The following ZNF804B variants were observed in gnomAD, a reference collection of about 807,000 sequenced individuals.
The protein encoded by ZNF804B is zinc finger 804B.
In ZNF804B, 80 loss-of-function variants were observed where a neutral mutation model predicts 101.4. The ratio of observed to expected loss-of-function variants is 0.79; its 90% CI spans 0.66 to 0.95. The LOEUF is 0.95. Ranked by LOEUF, ZNF804B falls within the 40% of genes least tolerant of loss-of-function variation. The pLI is 0.00. For missense variants in ZNF804B, 1,673 were observed against 1,561.9 expected (o/e 1.07, Z -1.20); for synonymous variants, 622 against 558.8 (o/e 1.11, Z -1.59).
chr7:88,836,596 A>G (rs1404605614), intron 1 of ZNF804B, among the ~76,000 whole-genome samples: 2 of 151,992 alleles, frequency 1.3e-5, no homozygotes, highest in Non-Finnish European at 2.9e-5. Context: ...GCATAATACT[A>G]GAAATAATAA....
chr7:89,110,191 G>A (rs1242448420), intron 1 of ZNF804B, among the ~76,000 whole-genome samples: 3 of 152,114 alleles, frequency 2.0e-5, no homozygotes, highest in Non-Finnish European at 2.9e-5. Flanking sequence ...TACCAGGTGT[G>A]TTGTATAGCA....
chr7:89,111,572 T>C (rs993892982), intron 1 of ZNF804B, among the ~76,000 whole-genome samples: 2 of 152,220 alleles, frequency 1.3e-5, no homozygotes, highest in African/African-American at 2.4e-5. Context: ...AGTTGTATTT[T>C]TATTGTTGCA....
At chr7:88,833,279 T>A (rs1390867919) in intron 1 of ZNF804B, among the ~76,000 whole-genome samples, 1 of 151,942 alleles carries the variant, frequency 6.6e-6, no homozygotes, top group Admixed American at 6.6e-5. Context: ...TTCAGAATAT[T>A]TGAGGATGCA....
intron 1 of ZNF804B, among the ~76,000 whole-genome samples, chr7:88,857,242 G>A (rs1488173697): frequency 6.6e-6 from 1 of 151,948 alleles, no homozygotes; most frequent in Admixed American, 6.6e-5. Flanking sequence ...GCTAGCAGAA[G>A]GCAAGAAATA....
chr7:89,122,428 T>C (rs937269257), intron 1 of ZNF804B, among the ~76,000 whole-genome samples: 40 of 152,334 alleles, frequency 2.6e-4, no homozygotes, highest in Non-Finnish European at 5.0e-4. Flanking sequence ...AATACTTTAT[T>C]ACTAACGTTG....
At chr7:88,908,509 C>T (rs1471938718) in intron 1 of ZNF804B, among the ~76,000 whole-genome samples, 1 of 151,630 alleles carries the variant, frequency 6.6e-6, no homozygotes, top group East Asian at 1.9e-4. Flanking sequence ...TCAAACTGAC[C>T]AAAAATACTT....
At chr7:89,143,595 C>T (rs1000986835) in intron 1 of ZNF804B, among the ~76,000 whole-genome samples, 1 of 150,406 alleles carries the variant, frequency 6.6e-6, no homozygotes, top group Non-Finnish European at 1.5e-5. Flanking sequence ...AGAGCATTTT[C>T]CCCAAAAACT....
intron 1 of ZNF804B, among the ~76,000 whole-genome samples, chr7:89,109,741 T>C (rs1790187300): frequency 6.6e-6 from 1 of 152,176 alleles, no homozygotes; most frequent in Admixed American, 6.6e-5. Context: ...CAAAAATCAG[T>C]AGCACCTCTG....
intron 1 of ZNF804B, among the ~76,000 whole-genome samples, chr7:88,955,098 TA>T (rs71686935): frequency 0.59 from 84,061 of 142,018 alleles, 24,635 homozygotes; most frequent in Non-Finnish European, 0.63. Context: ...TGTCTCTATT[TA>T]AAAAAAAAAA....
At chr7:88,856,872 T>A (rs1791568747) in intron 1 of ZNF804B, among the ~76,000 whole-genome samples, 1 of 152,292 alleles carries the variant, frequency 6.6e-6, no homozygotes, top group South Asian at 2.1e-4. Flanking sequence ...AATCGTATGT[T>A]TTTTGTCGTT....
chr7:88,983,147 T>C (rs1417090581), intron 1 of ZNF804B, among the ~76,000 whole-genome samples: 1 of 152,030 alleles, frequency 6.6e-6, no homozygotes, highest in Admixed American at 6.6e-5. Context: ...AGTACAACTG[T>C]GGTCTGGATC....
At chr7:88,843,684 C>T (rs1791322105) in intron 1 of ZNF804B, among the ~76,000 whole-genome samples, 1 of 152,022 alleles carries the variant, frequency 6.6e-6, no homozygotes, top group South Asian at 2.1e-4. Flanking sequence ...TTGCAGTGAG[C>T]CAAGATTGCA....
At chr7:88,776,572 T>G (rs1262618616) in intron 1 of ZNF804B, among the ~76,000 whole-genome samples, 2 of 147,786 alleles carry the variant, frequency 1.4e-5, no homozygotes, top group Non-Finnish European at 3.0e-5. Flanking sequence ...TTTTTTTTTT[T>G]TTTTTTTTTC....
At chr7:89,154,751 G>A (rs1790931071) in intron 1 of ZNF804B, among the ~76,000 whole-genome samples, 1 of 151,974 alleles carries the variant, frequency 6.6e-6, no homozygotes, top group South Asian at 2.1e-4. Flanking sequence ...AAGTCGGGAT[G>A]GTTAATGTGT....
intron 1 of ZNF804B, among the ~76,000 whole-genome samples, chr7:89,020,198 T>A (rs1788643766): frequency 6.6e-6 from 1 of 152,160 alleles, no homozygotes; most frequent in South Asian, 2.1e-4. Context: ...ACTGTCTTTT[T>A]GCTTCCAGAT....
chr7:89,004,648 T>C (rs139102499), intron 1 of ZNF804B, among the ~76,000 whole-genome samples: 16 of 152,044 alleles, frequency 1.1e-4, no homozygotes, highest in African/African-American at 3.1e-4. Flanking sequence ...TGAATATTTT[T>C]AGTGGTTCTA....
intron 1 of ZNF804B, among the ~76,000 whole-genome samples, chr7:89,172,753 C>G (rs944174163): frequency 6.6e-6 from 1 of 152,124 alleles, no homozygotes; most frequent in Non-Finnish European, 1.5e-5. Flanking sequence ...TCATTTGAAT[C>G]TTCGTTTTCT....
At chr7:89,016,589 T>C (rs891879963) in intron 1 of ZNF804B, among the ~76,000 whole-genome samples, 40 of 149,680 alleles carry the variant, frequency 2.7e-4, no homozygotes, top group African/African-American at 8.5e-4. Context: ...ATTTATTAAA[T>C]AGGGAATCCT....
intron 1 of ZNF804B, among the ~76,000 whole-genome samples, chr7:88,862,357 G>T (rs768442095): frequency 7.2e-5 from 11 of 152,168 alleles, no homozygotes; most frequent in Non-Finnish European, 1.3e-4. Context: ...TTAGCCAATC[G>T]TGCAATAATT....
Sources: gnomAD v4.1 joint callset for allele counts (sites outside exome capture counted in the v4.1 genomes callset) on GRCh38, gnomAD v4.1.1 for gene constraint, MANE v1.5 for transcripts, NCBI Gene and HGNC (gene_info 2026-07-23, HGNC 2026-07-21) for gene names.